The following EIF3G variants were observed in gnomAD, a reference collection of about 807,000 sequenced individuals.
EIF3G encodes the protein eukaryotic translation initiation factor 3 RNA-binding subunit.
A neutral mutation model predicts 41.7 loss-of-function variants in EIF3G; 10 were observed. That is an observed-to-expected ratio of 0.24 (90% confidence interval 0.15 to 0.41). EIF3G has a LOEUF of 0.41. Among genes scored for constraint, EIF3G ranks in the 10% least tolerant of loss-of-function variants. EIF3G has a pLI of 1.00. For missense variants in EIF3G, 297 were observed against 444.0 expected (o/e 0.67, Z 2.98); for synonymous variants, 204 against 172.5 (o/e 1.18, Z -1.43).
At position 10,116,767 on chromosome 19, in the gene EIF3G, T is replaced by C; in HGVS notation, c.595+33A>G. 2 of 1,539,070 alleles carry C rather than the reference T, an allele frequency of 1.3e-6. No individual in the cohort carries two copies. Among genetic ancestry groups the C allele is most frequent in the South Asian group, 1.2e-5 (1 of 81,552 alleles). Reference sequence around the variant, plus strand: ...AAGGCAGCAGTGGGGACAGAACCCGTGCACTGACAGCAGGACCCTCCCACC... The same window carrying C: ...AAGGCAGCAGTGGGGACAGAACCCGCGCACTGACAGCAGGACCCTCCCACC... On this transcript the variant is annotated intron_variant, in intron 7 of 10. Coordinates refer to ENST00000253108, the MANE Select transcript of EIF3G (RefSeq NM_003755.5). This position sits in a 1 kb window ranked among gnomAD's most constrained non-coding sequence, Gnocchi z 4.1.
chr19:10,117,397 AGCCTCCGGG>A, intron 5 of EIF3G: 1 of 553,108 alleles, frequency 1.8e-6, no homozygotes, highest in Non-Finnish European at 3.2e-6. Context: ...GGCAGCTGTC[AGCCTCCGGG>A]TCCAGGTGAC....
Position 10,116,765 on chromosome 19 carries a change from C to T in EIF3G, c.595+35G>A, listed in dbSNP as rs564068319. On this transcript the variant is annotated intron_variant, in intron 7 of 10. Transcript: ENST00000253108. This position sits in a 1 kb window ranked among gnomAD's most constrained non-coding sequence, Gnocchi z 4.1. ...CGAAGGCAGCAGTGGGGACAGAACC[C>T]GTGCACTGACAGCAGGACCCTCCCA... 6 of 1,536,312 alleles carry T rather than the reference C, an allele frequency of 3.9e-6. No individual in the cohort carries two copies. The highest frequency in any genetic ancestry group is 2.4e-4 in the Middle Eastern group (1 of 4,162).
At position 10,116,399 on chromosome 19, in the gene EIF3G, CT is replaced by C; in HGVS notation, c.596-326del. The C allele has an allele frequency of 5.9e-6, 3 of 506,912 alleles. No homozygotes were observed. In the South Asian group the frequency reaches 7.1e-5, roughly 12 times the overall value. 31.4% of individuals were successfully genotyped at this position (506,912 alleles called of 1,614,324 possible). A position where few individuals can be genotyped will look rare whatever the true frequency, so the allele number is the denominator to read the frequency against. On this transcript the variant is annotated intron_variant, in intron 7 of 10. Transcript: ENST00000253108. The surrounding 1 kb of genome is among the most constrained non-coding windows in gnomAD (Gnocchi z 4.1). Reference sequence around the variant, plus strand: ...CAACAGGAACAGCGCCCAGGTCCCCCTCGCGTGGCAGGCGACAAGTGCACGT... The same window carrying C: ...CAACAGGAACAGCGCCCAGGTCCCCCCGCGTGGCAGGCGACAAGTGCACGT...
At position 10,119,105 on chromosome 19, in the gene EIF3G, G is replaced by C; in HGVS notation, c.134C>G (p.Pro45Arg). ...TCACTCACCTCCCGGCAGTAGCTCTGGCTCTGGGCTGGTGTCACCTGTGGC... is the reference window on the plus strand; with the variant it reads ...TCACTCACCTCCCGGCAGTAGCTCTCGCTCTGGGCTGGTGTCACCTGTGGC... ...PLATGDTSPEPELLPGAPLPP... is the reference protein window; with the variant it reads ...PLATGDTSPERELLPGAPLPP... The change falls in exon 3 of 11, where the codon CCA becomes CGA. Residue 45 changes from proline (P) to arginine (R), a missense_variant. By Grantham distance (103) the Pro-to-Arg change is moderately radical. Around this residue, in one of 4 missense-constraint regions of EIF3G, gnomAD observed 147 missense variants for 162.4 expected, o/e 0.91. Coordinates refer to ENST00000253108, the MANE Select transcript of EIF3G (RefSeq NM_003755.5). The C allele has an allele frequency of 6.2e-7, 1 of 1,600,806 alleles. No homozygotes were observed. The highest frequency in any genetic ancestry group is 1.1e-5 in the South Asian group (1 of 89,416).
In EIF3G at chr19:10,116,514, G is replaced by C. The variant is rs1456032057; in HGVS notation, c.595+286C>G. 2.0e-6 allele frequency: 1 copy of C among 511,964 alleles called. No individual in the cohort carries two copies. The highest frequency in any genetic ancestry group is 3.5e-6 in the Non-Finnish European group (1 of 285,806). 31.7% of individuals were successfully genotyped at this position (511,964 alleles called of 1,614,324 possible). A position where few individuals can be genotyped will look rare whatever the true frequency, so the allele number is the denominator to read the frequency against. ...ATGCAACGGAGACACTATACACACA[G>C]TGCGCACACACGATGTGGGGTGGTC... On this transcript the variant is annotated intron_variant, in intron 7 of 10. Transcript: ENST00000253108. This position sits in a 1 kb window ranked among gnomAD's most constrained non-coding sequence, Gnocchi z 4.1.
intron 8 of EIF3G, 44 bp downstream of exon 8, chr19:10,115,923 C>G (rs757556891): frequency 1.2e-6 from 2 of 1,606,678 alleles, no homozygotes; most frequent in South Asian, 1.1e-5. Context: ...TACGAGGTGC[C>G]GGGAGGTGCC....
Position 10,115,532 on chromosome 19 carries a change from G to T in EIF3G, c.894C>A (p.Ala298=). 6.2e-7 allele frequency: 1 copy of T among 1,613,830 alleles called. No individual in the cohort carries two copies. Among genetic ancestry groups the T allele is most frequent in the Non-Finnish European group, 8.5e-7 (1 of 1,179,822 alleles). Residue 298 remains alanine, a synonymous_variant, in exon 10 of 11, where the codon GCC becomes GCA. Coordinates refer to ENST00000253108, the MANE Select transcript of EIF3G (RefSeq NM_003755.5). ...GGTCGTAGCCAAAGCCGGACACCCC[G>T]GCAATGGCACGCGCAGCATCCTCGC... is the stretch of plus-strand genomic sequence containing the variant. ...HRREDAARAI[A]GVSGFGYDHL...
Position 10,115,188 on chromosome 19 carries a change from A to G in EIF3G, c.948-59T>C, listed in dbSNP as rs543543654. 1.2e-4 allele frequency: 190 copies of G among 1,598,900 alleles called. 1 individual carries two copies. In the South Asian group the frequency reaches 2.0e-3, roughly 17 times the overall value. On this transcript the variant is annotated intron_variant, in intron 10 of 10. Coordinates refer to ENST00000253108, the MANE Select transcript of EIF3G (RefSeq NM_003755.5). ...CTGGGGGCACCCCAAGACCCCAGAC[A>G]CCCAAGTGGCATCTTGGGGGTGGGT...
rs2089235984 is a variant in EIF3G at position 10,115,831 on chromosome 19, G to C, written c.704-11C>G. On this transcript the variant is annotated splice_polypyrimidine_tract_variant and intron_variant, in intron 8 of 10. Transcript: ENST00000253108. ...TGGCGTTGTCGTCGGCTGTGTGGGA[G>C]AGGGGAGGTGGCTGTGAGGGGGAGG... is the stretch of plus-strand genomic sequence containing the variant. 1.2e-6 allele frequency: 2 copies of C among 1,610,864 alleles called. No homozygotes were observed. The highest frequency in any genetic ancestry group is 2.2e-5 in the East Asian group (1 of 44,868).
Position 10,116,775 on chromosome 19 carries a change from C to T in EIF3G, c.595+25G>A, listed in dbSNP as rs1412053974. ...AGTGGGGACAGAACCCGTGCACTGA[C>T]AGCAGGACCCTCCCACCCCCACACC... is the stretch of plus-strand genomic sequence containing the variant. On this transcript the variant is annotated intron_variant, in intron 7 of 10. Transcript: ENST00000253108. This position sits in a 1 kb window ranked among gnomAD's most constrained non-coding sequence, Gnocchi z 4.1. 3.2e-6 allele frequency: 5 copies of T among 1,551,374 alleles called. No individual in the cohort carries two copies. The highest frequency in any genetic ancestry group is 4.4e-6 in the Non-Finnish European group (5 of 1,148,100).
chr19:10,115,625 A>G (rs1420862626), intron 9 of EIF3G, 40 bp from the exon 10 acceptor site: 1 of 1,611,944 alleles, frequency 6.2e-7, no homozygotes, highest in Non-Finnish European at 8.5e-7. Context: ...GAGCTAGGAC[A>G]GGCGACCCTA....
chr19:10,115,534 C>A lies in EIF3G; in HGVS notation c.892G>T (p.Ala298Ser). 1.2e-6 allele frequency: 2 copies of A among 1,605,928 alleles called. No homozygotes were observed. The highest frequency in any genetic ancestry group is 1.7e-6 in the Non-Finnish European group (2 of 1,175,096). ...TCGTAGCCAAAGCCGGACACCCCGG[C>A]AATGGCACGCGCAGCATCCTCGCGG... ...HRREDAARAI[A>S]GVSGFGYDHL... Residue 298 changes from alanine (A) to serine (S), a missense_variant, in exon 10 of 11, where the codon GCC (alanine) becomes TCC (serine). By Grantham distance (99) the Ala-to-Ser change is moderately conservative. Transcript: ENST00000253108.
chr19:10,115,491 AC>A lies in EIF3G; in HGVS notation c.934del (p.Val312SerfsTer?). The A allele has an allele frequency of 6.2e-7, 1 of 1,611,418 alleles. No individual in the cohort carries two copies. Among genetic ancestry groups the A allele is most frequent in the Non-Finnish European group, 8.5e-7 (1 of 1,178,370 alleles). On this transcript the variant is annotated frameshift_variant, in exon 10 of 11. Transcript: ENST00000253108. LOFTEE classifies it high-confidence loss of function. ...GFGYDHLILN[V>X]EWAKPSTN is the part of the protein sequence containing the mutation. ...GATGGAGTCTTACTTGGCCCACTCG[AC>A]GTTGAGGATGAGGTGGTCGTAGCCA...
chr19:10,115,018 G>T lies in EIF3G; in HGVS notation c.*96C>A. On this transcript the variant is annotated 3_prime_UTR_variant, in exon 11 of 11. Coordinates refer to ENST00000253108, the MANE Select transcript of EIF3G (RefSeq NM_003755.5). ...GCAAGAACAAAAAGAACCAAGTAGA[G>T]AGAGTGGAGCTGCTTTATTGCCCTT... The T allele has an allele frequency of 6.4e-7, 1 of 1,563,808 alleles. No individual in the cohort carries two copies. Among genetic ancestry groups the T allele is most frequent in the Non-Finnish European group, 8.7e-7 (1 of 1,144,434 alleles).
At chr19:10,117,448 C>T (rs562331090) in intron 5 of EIF3G, 23 of 438,616 alleles carry the variant, frequency 5.2e-5, no homozygotes, top group East Asian at 4.7e-4. Context: ...CGCAGTCTGG[C>T]GGACCAGCTC....
intron 1 of EIF3G, 44 bp downstream of exon 1, chr19:10,119,796 A>G: frequency 5.0e-6 from 8 of 1,614,076 alleles, no homozygotes; most frequent in Non-Finnish European, 6.8e-6. Context: ...TTCCCAGAGC[A>G]CCCCAACCGC....
chr19:10,115,132 G>C lies in EIF3G; in HGVS notation c.948-3C>G, dbSNP rs752888470. 2.5e-6 allele frequency: 4 copies of C among 1,613,922 alleles called. No individual in the cohort carries two copies. The highest frequency in any genetic ancestry group is 3.4e-6 in the Non-Finnish European group (4 of 1,179,954). On this transcript the variant is annotated splice_polypyrimidine_tract_variant and splice_region_variant and intron_variant, in intron 10 of 10. Transcript: ENST00000253108. ...AGCTGGCTTAGTTGGTGGACGGCCT[G>C]GGGTAGGGGAGGGTGGCAGGTATAA...
At chr19:10,115,447 G>T in intron 10 of EIF3G, 32 bp downstream of exon 10, 2 of 1,581,830 alleles carry the variant, frequency 1.3e-6, no homozygotes, top group Non-Finnish European at 1.7e-6. Context: ...ACAAGGCAGG[G>T]AGCAGGGGCT....
At chr19:10,118,483 T>A (rs930794015) in intron 5 of EIF3G, 185 bp downstream of exon 5, 1 of 632,352 alleles carries the variant, frequency 1.6e-6, no homozygotes. Context: ...GAGAATCACT[T>A]GAACCCAGGA....
Sources: allele counts gnomAD v4.1 joint callset, GRCh38; gene constraint gnomAD v4.1.1; regional missense constraint gnomAD v4.1.1; non-coding constraint Gnocchi (gnomAD v3.1); transcripts MANE v1.5; gene names NCBI Gene and HGNC (gene_info 2026-07-23, HGNC 2026-07-21).